SYT16: variants seen among roughly 807,000 people sequenced by gnomAD.
SYT16 encodes the protein synaptotagmin 16.
In SYT16, 42 loss-of-function variants were observed where a neutral mutation model predicts 61.4. The observed-to-expected ratio is 0.68, with a 90% CI of 0.53 to 0.89. The LOEUF is 0.89. Ranked by LOEUF, SYT16 falls within the 40% of genes least tolerant of loss-of-function variation. The pLI is 0.00. For missense variants in SYT16, 804 were observed against 807.3 expected, an observed-to-expected ratio of 1.00 and a Z score of 0.05; for synonymous variants, 314 against 302.3, an observed-to-expected ratio of 1.04 and a Z score of -0.40.
chr14:62,010,124 T>C (rs1298213716), intron 3 of SYT16, among the ~76,000 whole-genome samples: 3 of 152,224 alleles, frequency 2.0e-5, no homozygotes, highest in Non-Finnish European at 4.4e-5. Flanking sequence ...GTATAGATTA[T>C]AAAATAGTCT....
rs149753324 is a variant in SYT16, at chr14:61,919,394, G to T, written c.-324-50738G>T. On this transcript the variant is annotated intron_variant, in intron 1 of 7. Transcript: ENST00000683842. ...CAAAGGTACACAAATTTATTATCAT[G>T]CAGTTTGTGGTTCAAAAGTTCGAGA... Among the ~76,000 whole-genome samples, 849 of 152,314 alleles carry T rather than the reference G, an allele frequency of 5.6e-3. 7 individuals are homozygous for T. The highest frequency in any genetic ancestry group is 0.037 in the Middle Eastern group (11 of 294).
chr14:61,959,268 T>C (rs2051013696), intron 1 of SYT16, among the ~76,000 whole-genome samples: 1 of 152,194 alleles, frequency 6.6e-6, no homozygotes, highest in Non-Finnish European at 1.5e-5. Context: ...GAATTATTGA[T>C]AGATAAGGGC....
intron 6 of SYT16, 93 bp downstream of exon 6, chr14:62,081,367 A>G (rs921057628): frequency 3.7e-6 from 5 of 1,345,436 alleles, no homozygotes; most frequent in Non-Finnish European, 5.0e-6. Context: ...CTGTGAATTC[A>G]GAGACTTTAA....
intron 1 of SYT16, among the ~76,000 whole-genome samples, chr14:61,850,883 A>G (rs763559546): frequency 3.3e-5 from 5 of 152,212 alleles, no homozygotes; most frequent in Non-Finnish European, 7.3e-5. Flanking sequence ...CTGAAAGATT[A>G]TTATTATTTT....
At chr14:61,909,589 A>G (rs1283172537) in intron 1 of SYT16, among the ~76,000 whole-genome samples, 2 of 152,196 alleles carry the variant, frequency 1.3e-5, no homozygotes, top group African/African-American at 4.8e-5. Context: ...CATTGGGACA[A>G]TGTTATCTCA....
At chr14:61,854,111 TACATACACATATGC>T (rs1184787774) in intron 1 of SYT16, among the ~76,000 whole-genome samples, 4 of 152,190 alleles carry the variant, frequency 2.6e-5, no homozygotes, top group Non-Finnish European at 1.5e-5. Flanking sequence ...TGTGTATGTG[TACATACACATATGC>T]ACATACACAC....
intron 1 of SYT16, among the ~76,000 whole-genome samples, chr14:61,911,397 CAT>C (rs2048929729): frequency 6.6e-6 from 1 of 152,224 alleles, no homozygotes; most frequent in Admixed American, 6.5e-5. Context: ...GGGGCATTCA[CAT>C]TCTTACAGTT....
chr14:61,936,545 G>A (rs2049989217), intron 1 of SYT16, among the ~76,000 whole-genome samples: 1 of 152,150 alleles, frequency 6.6e-6, no homozygotes, highest in African/African-American at 2.4e-5. Flanking sequence ...ACACAGGGAA[G>A]AGGTCCTGCC....
At position 62,084,098 on chromosome 14, in the gene SYT16, G is replaced by A. The variant is rs974854879; in HGVS notation, c.1435-98G>A. 4.9e-6 allele frequency: 7 copies of A among 1,422,952 alleles called. No individual in the cohort carries two copies. The South Asian group carries it at 9.6e-5, about 20-fold the overall frequency. 88.1% of individuals were successfully genotyped at this position (1,422,952 alleles called of 1,614,324 possible). A position where few individuals can be genotyped will look rare whatever the true frequency, so the allele number is the denominator to read the frequency against. ...CTTAGTCATCTTTGGCAGTCATTGG[G>A]GATTGGGTCACAATTTCACCAAACA... On this transcript the variant is annotated intron_variant, in intron 6 of 7. Coordinates refer to ENST00000683842, the MANE Select transcript of SYT16 (RefSeq NM_001367656.1).
chr14:61,844,011 A>G (rs1323426676), intron 1 of SYT16, among the ~76,000 whole-genome samples: 1 of 152,172 alleles, frequency 6.6e-6, no homozygotes, highest in Non-Finnish European at 1.5e-5. Flanking sequence ...CATTTTAGCA[A>G]TGTTGATTTT....
chr14:61,909,046 A>G (rs2140375674), intron 1 of SYT16, among the ~76,000 whole-genome samples: 2 of 151,252 alleles, frequency 1.3e-5, no homozygotes, highest in South Asian at 4.2e-4. Context: ...CTGGTCTTGA[A>G]CTCCCAGTCT....
intron 1 of SYT16, among the ~76,000 whole-genome samples, chr14:61,967,332 G>A (rs186684057): frequency 7.2e-5 from 11 of 152,302 alleles, no homozygotes; most frequent in African/African-American, 2.6e-4. Flanking sequence ...TGGGTAATGG[G>A]ATGCCATTGG....
chr14:62,037,241 A>T (rs1327969355), intron 3 of SYT16, among the ~76,000 whole-genome samples: 1 of 151,932 alleles, frequency 6.6e-6, no homozygotes, highest in Non-Finnish European at 1.5e-5. Flanking sequence ...CCTGTTCACA[A>T]GGTCTTGTAG....
chr14:61,855,627 T>C (rs1370727865), intron 1 of SYT16, among the ~76,000 whole-genome samples: 1 of 152,232 alleles, frequency 6.6e-6, no homozygotes, highest in Non-Finnish European at 1.5e-5. Context: ...ACCACTGTAA[T>C]GTTGAAAAAA....
intron 1 of SYT16, among the ~76,000 whole-genome samples, chr14:61,950,866 A>G (rs895486849): frequency 1.3e-5 from 2 of 152,204 alleles, no homozygotes; most frequent in Non-Finnish European, 2.9e-5. Flanking sequence ...TTAGAATCCC[A>G]TCTGTTTTGG....
In SYT16 at chr14:62,019,862, G is replaced by C. The variant is rs191514989; in HGVS notation, c.523+23320G>C. The stretch of plus-strand genomic sequence containing the variant: ...GCTGCCCACTACATCATTTAAAAGC[G>C]CCTATCTGACACCTGATTCTAAATG... On this transcript the variant is annotated intron_variant, in intron 3 of 7. Coordinates refer to ENST00000683842, the MANE Select transcript of SYT16 (RefSeq NM_001367656.1). 2.7e-3 allele frequency among the ~76,000 whole-genome samples: 410 copies of C among 152,304 alleles called. 1 individual carries two copies. The highest frequency in any genetic ancestry group is 0.011 in the Admixed American group (163 of 15,290).
chr14:62,005,822 T>A (rs548021201), intron 3 of SYT16, among the ~76,000 whole-genome samples: 23 of 152,304 alleles, frequency 1.5e-4, no homozygotes, highest in African/African-American at 5.5e-4. Context: ...TCCTTCAGAC[T>A]GTGCAGAAGC....
intron 3 of SYT16, among the ~76,000 whole-genome samples, chr14:62,045,747 C>G (rs1037067559): frequency 9.9e-5 from 15 of 152,134 alleles, no homozygotes; most frequent in African/African-American, 3.6e-4. Flanking sequence ...ATGATGGTTT[C>G]CAGCTTCATC....
intron 1 of SYT16, among the ~76,000 whole-genome samples, chr14:61,847,647 T>A (rs1217669932): frequency 6.6e-6 from 1 of 152,216 alleles, no homozygotes; most frequent in Non-Finnish European, 1.5e-5. Context: ...ATAAACTTTC[T>A]ACCCTTGTAT....
Sources: gnomAD v4.1 joint callset for allele counts (sites outside exome capture counted in the v4.1 genomes callset) on GRCh38, gnomAD v4.1.1 for gene constraint, MANE v1.5 for transcripts, NCBI Gene and HGNC (gene_info 2026-07-23, HGNC 2026-07-21) for gene names.